KCNIP4: variants seen among roughly 807,000 people sequenced by gnomAD.
The protein encoded by KCNIP4 is potassium voltage-gated channel interacting protein 4.
In KCNIP4, 12 loss-of-function variants were observed where a neutral mutation model predicts 34.0. That is an observed-to-expected ratio of 0.35 (90% CI 0.23 to 0.57). The LOEUF (loss-of-function observed/expected upper bound fraction) is 0.57, where lower values mean the gene tolerates loss of function less well. KCNIP4 is among the 20% of genes least tolerant of loss of function. The pLI is 0.83. For missense variants in KCNIP4, 238 were observed against 311.7 expected (o/e 0.76, Z 1.78); for synonymous variants, 124 against 102.2 (o/e 1.21, Z -1.29).
intron 1 of KCNIP4, chr4:21,853,233 T>C (rs1224490641): frequency 6.6e-6 from 1 of 152,152 alleles, no homozygotes; most frequent in African/African-American, 2.4e-5. Context: ...ATTTGGAAAG[T>C]TGTAAGAAAA....
At chr4:21,213,515 T>C (rs999483857) in intron 1 of KCNIP4, among the ~76,000 whole-genome samples, 3 of 152,088 alleles carry the variant, frequency 2.0e-5, no homozygotes, top group Non-Finnish European at 4.4e-5. Context: ...TTGGCCAGGC[T>C]GGTCTCGAAC....
intron 1 of KCNIP4, among the ~76,000 whole-genome samples, chr4:21,049,997 G>T (rs1040843240): frequency 6.6e-6 from 1 of 152,210 alleles, no homozygotes; most frequent in Non-Finnish European, 1.5e-5. Context: ...AGAGGTGACA[G>T]TAGCTGCTAT....
chr4:21,192,924 ACTAC>A, intron 1 of KCNIP4, among the ~76,000 whole-genome samples: 1 of 69,094 alleles, frequency 1.4e-5, no homozygotes, highest in Non-Finnish European at 2.5e-5. Context: ...CTCTACTACT[ACTAC>A]TACTACTACT....
intron 1 of KCNIP4, among the ~76,000 whole-genome samples, chr4:21,854,812 T>C (rs1724649017): frequency 6.6e-6 from 1 of 152,230 alleles, no homozygotes; most frequent in African/African-American, 2.4e-5. Flanking sequence ...CTTTGGACTC[T>C]GAAGCTCACC....
chr4:20,919,713 A>T (rs1213845452), intron 1 of KCNIP4, among the ~76,000 whole-genome samples: 21 of 151,898 alleles, frequency 1.4e-4, no homozygotes, highest in Non-Finnish European at 1.2e-4. Context: ...AAAAAAAAAA[A>T]AAAAAAAAAA....
At chr4:21,271,904 T>A (rs775081623) in intron 1 of KCNIP4, among the ~76,000 whole-genome samples, 56 of 151,872 alleles carry the variant, frequency 3.7e-4, no homozygotes, top group Non-Finnish European at 7.2e-4. Context: ...GGCAGAGAGG[T>A]AAAACTATTA....
At chr4:20,793,427 A>G (rs941669661) in intron 3 of KCNIP4, among the ~76,000 whole-genome samples, 2 of 152,202 alleles carry the variant, frequency 1.3e-5, no homozygotes, top group African/African-American at 4.8e-5. Flanking sequence ...GAAAGATTAG[A>G]AACACAAGGG....
intron 1 of KCNIP4, among the ~76,000 whole-genome samples, chr4:21,145,274 T>C (rs770953985): frequency 6.6e-6 from 1 of 152,168 alleles, no homozygotes; most frequent in Non-Finnish European, 1.5e-5. Flanking sequence ...TCTTTTTCCA[T>C]TTTTAGTAAA....
At chr4:21,866,118 G>GCAT (rs1190456229) in intron 1 of KCNIP4, among the ~76,000 whole-genome samples, 2 of 152,076 alleles carry the variant, frequency 1.3e-5, no homozygotes, top group Non-Finnish European at 2.9e-5. Flanking sequence ...TTGCAGAGTT[G>GCAT]CATTCCTATG....
intron 1 of KCNIP4, among the ~76,000 whole-genome samples, chr4:20,996,049 A>G (rs1232823121): frequency 6.6e-6 from 1 of 152,188 alleles, no homozygotes. Flanking sequence ...TGGCAGCTCA[A>G]TCATTCCTTT....
intron 1 of KCNIP4, among the ~76,000 whole-genome samples, chr4:21,634,519 G>T (rs578014866): frequency 3.0e-4 from 46 of 152,184 alleles, no homozygotes; most frequent in Non-Finnish European, 4.6e-4. Context: ...CAAACCTAGG[G>T]AAGGAAAGTG....
intron 1 of KCNIP4, among the ~76,000 whole-genome samples, chr4:21,941,392 A>G (rs1362752598): frequency 6.6e-6 from 1 of 152,144 alleles, no homozygotes; most frequent in Non-Finnish European, 1.5e-5. Context: ...CACTTCTTAA[A>G]TAAACTGCTT....
chr4:21,397,525 A>G (rs762170845), intron 1 of KCNIP4, among the ~76,000 whole-genome samples: 7 of 152,360 alleles, frequency 4.6e-5, no homozygotes, highest in Non-Finnish European at 8.8e-5. Flanking sequence ...CACATTTTGT[A>G]CATGTATCCT....
intron 2 of KCNIP4, among the ~76,000 whole-genome samples, chr4:20,866,381 A>C (rs959598531): frequency 1.3e-5 from 2 of 152,150 alleles, no homozygotes; most frequent in African/African-American, 4.8e-5. Context: ...GTGATTCACT[A>C]CGTAAACAGA....
intron 1 of KCNIP4, among the ~76,000 whole-genome samples, chr4:21,866,558 G>A (rs969714461): frequency 6.6e-6 from 1 of 152,098 alleles, no homozygotes. Context: ...AGTAGGAATG[G>A]TCACGTGCAT....
intron 4 of KCNIP4, among the ~76,000 whole-genome samples, chr4:20,751,019 T>C (rs1753521977): frequency 6.6e-6 from 1 of 152,172 alleles, no homozygotes; most frequent in South Asian, 2.1e-4. Flanking sequence ...CTCTCCTGGC[T>C]CTCAGGGCTC....
rs539054632 is a variant in KCNIP4 at position 20,928,400 on chromosome 4, G to A, written c.62-45691C>T. 9.2e-5 allele frequency among the ~76,000 whole-genome samples: 14 copies of A among 151,574 alleles called. No homozygotes were observed. In the South Asian group the frequency reaches 2.9e-3, roughly 31 times the overall value. On this transcript the variant is annotated intron_variant, in intron 1 of 8. Transcript: ENST00000382152. ...CAATAAATTAAAGAAAAACTCAAAA[G>A]GGAAGTTAAAAAATATTTTGAAACA... is the stretch of plus-strand genomic sequence containing the variant.
chr4:21,690,626 T>C (rs1711530934), intron 1 of KCNIP4, among the ~76,000 whole-genome samples: 1 of 152,202 alleles, frequency 6.6e-6, no homozygotes, highest in Non-Finnish European at 1.5e-5. Context: ...GCAATACTTG[T>C]ACAGCCTGCA....
intron 1 of KCNIP4, chr4:21,303,901 G>T: frequency 6.2e-7 from 1 of 1,613,982 alleles, no homozygotes; most frequent in Non-Finnish European, 8.5e-7. Context: ...GCCCTTCCAA[G>T]TTCATGGTCA....
Sources: gnomAD v4.1 joint callset for allele counts (sites outside exome capture counted in the v4.1 genomes callset) on GRCh38, gnomAD v4.1.1 for gene constraint, MANE v1.5 for transcripts, NCBI Gene and HGNC (gene_info 2026-07-23, HGNC 2026-07-21) for gene names.